Variants in LRP2 observed in about 807,000 individuals in gnomAD.
The protein encoded by LRP2 is low-density lipoprotein receptor-related protein 2.
Under a neutral mutation model 531.0 loss-of-function variants are expected in LRP2, and 172 were observed. That is an observed-to-expected ratio of 0.32 (90% CI 0.29 to 0.37). The LOEUF is 0.37. LRP2 is among the 10% of genes least tolerant of loss of function. LRP2 has a pLI of 1.00. For synonymous variants in LRP2, 1,992 were observed against 2,027.6 expected (o/e 0.98, Z 0.47); for missense variants, 5,167 against 5,868.3 (o/e 0.88, Z 3.90).
Position 169,209,505 on chromosome 2 carries a change from T to G in LRP2, c.6417A>C (p.Thr2139=), listed in dbSNP as rs765694385. 6.2e-7 allele frequency: 1 copy of G among 1,614,166 alleles called. No individual in the cohort carries two copies. Among genetic ancestry groups the G allele is most frequent in the South Asian group, 1.1e-5 (1 of 91,086 alleles). ...PDGSSLMNIV[T]HGIGENGVRG... ...GGACTCCATTTTCTCCTATTCCATGTGTCACAATGTTCATCAGAGAAGATC... is the reference window on the plus strand; with the variant it reads ...GGACTCCATTTTCTCCTATTCCATGGGTCACAATGTTCATCAGAGAAGATC... The change falls in exon 38 of 79, where the codon ACA becomes ACC. Residue 2139 remains threonine, a synonymous_variant. Coordinates refer to ENST00000649046, the MANE Select transcript of LRP2 (RefSeq NM_004525.3).
intron 10 of LRP2, among the ~76,000 whole-genome samples, 179 bp from the exon 11 acceptor site, chr2:169,280,698 C>G (rs1683682315): frequency 6.6e-6 from 1 of 152,152 alleles, no homozygotes; most frequent in Admixed American, 6.5e-5. Flanking sequence ...TACAGAAGGG[C>G]AAATTGAGGC....
chr2:169,225,487 C>G, intron 32 of LRP2, 34 bp from the exon 33 acceptor site: 1 of 1,613,092 alleles, frequency 6.2e-7, no homozygotes, highest in Non-Finnish European at 8.5e-7. Context: ...TGAGCAGTTC[C>G]AAGGCCATGG....
At chr2:169,269,499 G>T (rs1387115933) in intron 16 of LRP2, among the ~76,000 whole-genome samples, 1 of 152,114 alleles carries the variant, frequency 6.6e-6, no homozygotes, top group Non-Finnish European at 1.5e-5. Flanking sequence ...AACAAGAAAT[G>T]GGGAAAGGAT....
intron 75 of LRP2, 146 bp from the exon 76 acceptor site, chr2:169,137,639 A>C: frequency 3.8e-6 from 2 of 526,586 alleles, no homozygotes; most frequent in Non-Finnish European, 3.4e-6. Flanking sequence ...GTTACCCAAA[A>C]GAGAACTTGC....
chr2:169,272,133 G>A (rs903219326), intron 15 of LRP2, among the ~76,000 whole-genome samples: 4 of 152,204 alleles, frequency 2.6e-5, no homozygotes, highest in South Asian at 2.1e-4. Context: ...TATATACGAC[G>A]CTAGAAACCG....
intron 1 of LRP2, among the ~76,000 whole-genome samples, chr2:169,338,291 A>AAAGG (rs60697057): frequency 0.39 from 56,208 of 143,932 alleles, 11,919 homozygotes; most frequent in African/African-American, 0.51. Context: ...AAGAAAGAAA[A>AAAGG]AAGGAAGGAA....
chr2:169,181,640 G>A, intron 51 of LRP2, 22 bp from the exon 52 acceptor site: 9 of 1,613,224 alleles, frequency 5.6e-6, no homozygotes, highest in Non-Finnish European at 6.8e-6. Context: ...AACACAAAGG[G>A]TCAGTCCCTG....
At chr2:169,302,998 C>T (rs907250959) in intron 4 of LRP2, among the ~76,000 whole-genome samples, 1 of 151,658 alleles carries the variant, frequency 6.6e-6, no homozygotes, top group African/African-American at 2.4e-5. Flanking sequence ...ATGTTTCAGT[C>T]CTTATATTTT....
At chr2:169,328,064 T>G (rs1449545932) in intron 1 of LRP2, among the ~76,000 whole-genome samples, 108 of 78,016 alleles carry the variant, frequency 1.4e-3, no homozygotes, top group African/African-American at 1.8e-3. Context: ...GGGAGGGAGG[T>G]GGGGTCAGCC....
At position 169,168,584 on chromosome 2, in the gene LRP2, C is replaced by A. The variant is rs151286117; in HGVS notation, c.11590G>T (p.Asp3864Tyr). 1 of 1,614,132 alleles carries A rather than the reference C, an allele frequency of 6.2e-7. No individual in the cohort carries two copies. The highest frequency in any genetic ancestry group is 8.5e-7 in the Non-Finnish European group (1 of 1,179,998). The change falls in exon 61 of 79, where the codon GAT becomes TAT. Residue 3864 changes from aspartate to tyrosine, a missense_variant. Physicochemically the swap from Asp to Tyr is radical, Grantham distance 160. Transcript: ENST00000649046. ...TCTGAACCATCGCCACAGTCATCAT[C>A]GCCATCACATTTCCAATATGGCGGG... ...CIPPYWKCDG[D>Y]DDCGDGSDEE...
chr2:169,185,757 G>T lies in LRP2; in HGVS notation c.9591C>A (p.Ile3197=), dbSNP rs775516231. 4.3e-6 allele frequency: 7 copies of T among 1,613,586 alleles called. No homozygotes were observed. Among genetic ancestry groups the T allele is most frequent in the Non-Finnish European group, 5.1e-6 (6 of 1,179,936 alleles). ...DGKTCRQNSN[I]EPYLIFSNRY... ...GGTTGCTAAAAATGAGATAGGGTTC[G>T]ATGTTACTGTTTTGCCGGCAGGTCT... Residue 3197 remains isoleucine (I), a synonymous_variant, in exon 50 of 79, where the codon ATC becomes ATA. Coordinates refer to ENST00000649046, the MANE Select transcript of LRP2 (RefSeq NM_004525.3).
At chr2:169,215,787 A>C (rs144325930) in intron 35 of LRP2, among the ~76,000 whole-genome samples, 1 of 143,056 alleles carries the variant, frequency 7.0e-6, no homozygotes, top group Non-Finnish European at 1.5e-5. Context: ...CATATATAGA[A>C]TCTATATAGA....
Position 169,213,735 on chromosome 2 carries a change from T to C in LRP2, c.5962A>G (p.Lys1988Glu). The C allele has an allele frequency of 2.5e-6, 4 of 1,613,858 alleles. No individual in the cohort carries two copies. The highest frequency in any genetic ancestry group is 3.4e-6 in the Non-Finnish European group (4 of 1,179,812). ...EQYEVIERVD[K>E]ATGANKIVLR... is the part of the protein sequence containing the mutation. The stretch of plus-strand genomic sequence containing the variant: ...ACTATTTTGTTGGCCCCAGTGGCCT[T>C]ATCAACTCTTTCAATGACCTCATAC... Residue 1988 changes from lysine to glutamate, a missense_variant, in exon 36 of 79, where the codon AAG (lysine) becomes GAG (glutamate). Coordinates refer to ENST00000649046, the MANE Select transcript of LRP2 (RefSeq NM_004525.3).
Position 169,204,164 on chromosome 2 carries a change from G to A in LRP2, c.7823C>T (p.Thr2608Ile). 12 of 1,614,154 alleles carry A rather than the reference G, an allele frequency of 7.4e-6. No homozygotes were observed. Among genetic ancestry groups the A allele is most frequent in the Non-Finnish European group, 1.0e-5 (12 of 1,180,022 alleles). Residue 2608 changes from threonine (T) to isoleucine (I), a missense_variant, in exon 42 of 79, where the codon ACT becomes ATT. This residue lies in a region of LRP2 where 1,129 missense variants were observed against 1,362.7 expected (regional missense o/e 0.83). Transcript: ENST00000649046. ...LTLYGQYIYW[T>I]DLYTQRIYRA... ...GTAAATTCTTTGTGTGTACAAGTCAGTCCAGTAAATATACTGGCCATAGAG... is the reference window on the plus strand; with the variant it reads ...GTAAATTCTTTGTGTGTACAAGTCAATCCAGTAAATATACTGGCCATAGAG...
intron 76 of LRP2, among the ~76,000 whole-genome samples, chr2:169,134,469 A>G (rs1326151482): frequency 2.0e-5 from 3 of 151,608 alleles, no homozygotes; most frequent in African/African-American, 7.3e-5. Context: ...CCTGACATTC[A>G]CCCCATTTCC....
chr2:169,228,578 C>T (rs879854452), intron 31 of LRP2, among the ~76,000 whole-genome samples: 1 of 152,170 alleles, frequency 6.6e-6, no homozygotes, highest in Admixed American at 6.5e-5. Flanking sequence ...CTTTGCATAT[C>T]TCATCCATTA....
rs1364469831 is a variant in LRP2, at chr2:169,168,583, T to A, written c.11591A>T (p.Asp3864Val). The A allele has an allele frequency of 6.2e-7, 1 of 1,614,034 alleles. No individual in the cohort carries two copies. Among genetic ancestry groups the A allele is most frequent in the Non-Finnish European group, 8.5e-7 (1 of 1,179,996 alleles). The change falls in exon 61 of 79, where the codon GAT becomes GTT. Residue 3864 changes from aspartate (D) to valine (V), a missense_variant. By Grantham distance (152) the Asp-to-Val change is radical. Transcript: ENST00000649046. ...ATCTGAACCATCGCCACAGTCATCATCGCCATCACATTTCCAATATGGCGG... is the reference window on the plus strand; with the variant it reads ...ATCTGAACCATCGCCACAGTCATCAACGCCATCACATTTCCAATATGGCGG... The part of the protein sequence containing the change: ...CIPPYWKCDG[D>V]DDCGDGSDEE...
Position 169,216,268 on chromosome 2 carries a change from G to T in LRP2, c.5811C>A (p.Val1937=), listed in dbSNP as rs776543585. 1.9e-6 allele frequency: 3 copies of T among 1,613,460 alleles called. 1 individual carries two copies. The South Asian group carries it at 3.3e-5, about 18-fold the overall frequency. ...GTGCTCATACCACTCCTCTTCCAGT[G>T]ACTGCCCAGTAGAGTTTCTGCTCTT... is the stretch of plus-strand genomic sequence containing the variant. ...DIEEQKLYWA[V]TGRGVIERGN... The change falls in exon 35 of 79, where the codon GTC becomes GTA. Residue 1937 remains valine (V), a synonymous_variant. Transcript: ENST00000649046.
At chr2:169,286,421 T>C (rs1683860387) in intron 9 of LRP2, among the ~76,000 whole-genome samples, 1 of 152,242 alleles carries the variant, frequency 6.6e-6, no homozygotes, top group African/African-American at 2.4e-5. Context: ...TTAATTGTGG[T>C]ATCTTCTCTG....
Sources: allele counts gnomAD v4.1 joint callset (sites outside exome capture counted in the v4.1 genomes callset), GRCh38; gene constraint gnomAD v4.1.1; regional missense constraint gnomAD v4.1.1; transcripts MANE v1.5; gene names NCBI Gene and HGNC (gene_info 2026-07-23, HGNC 2026-07-21).